Variants in NWD2 observed in about 807,000 individuals in gnomAD.
NWD2 encodes NACHT and WD repeat domain containing 2, also known as NACHT and WD repeat domain-containing protein 2.
Under a neutral mutation model 132.7 loss-of-function variants are expected in NWD2, and 37 were observed. That is an observed-to-expected ratio of 0.28 (90% confidence interval 0.21 to 0.37). The LOEUF is 0.37. Ranked by LOEUF, NWD2 falls within the 10% of genes least tolerant of loss-of-function variation. The probability of loss-of-function intolerance (pLI) is 1.00; values close to 1 mark genes in which losing one functional copy is unlikely to be tolerated. For missense variants in NWD2, 1,592 were observed against 2,122.4 expected (o/e 0.75, Z 4.91); for synonymous variants, 705 against 803.0 (o/e 0.88, Z 2.06).
At chr4:37,251,882 T>C (rs1717371616) in intron 1 of NWD2, among the ~76,000 whole-genome samples, 1 of 152,222 alleles carries the variant, frequency 6.6e-6, no homozygotes, top group Non-Finnish European at 1.5e-5. Context: ...AACTACTCTA[T>C]ATGGAGTGCT....
intron 1 of NWD2, among the ~76,000 whole-genome samples, chr4:37,290,662 A>G (rs1409296814): frequency 2.0e-4 from 30 of 152,336 alleles, no homozygotes; most frequent in East Asian, 1.9e-4. Flanking sequence ...GAAAGATGGC[A>G]TGTTGGAAAA....
rs538052965 is a variant in NWD2, at chr4:37,429,748, C to A, written c.358-824C>A. Among the ~76,000 whole-genome samples, 68 of 152,330 alleles carry A rather than the reference C, an allele frequency of 4.5e-4. 1 individual carries two copies. Among genetic ancestry groups the A allele is most frequent in the African/African-American group, 1.6e-3 (66 of 41,578 alleles). On this transcript the variant is annotated intron_variant, in intron 3 of 6. Coordinates refer to ENST00000309447, the MANE Select transcript of NWD2 (RefSeq NM_001144990.2). ...CTTTGAATGAACATTTAGGTTATTA[C>A]ACAATTCTTTCAAAGAAACTAATTC...
intron 1 of NWD2, among the ~76,000 whole-genome samples, chr4:37,287,638 A>G (rs1372847513): frequency 1.3e-5 from 2 of 151,978 alleles, no homozygotes; most frequent in African/African-American, 4.8e-5. Context: ...CAGAAACCAA[A>G]TCTCCCTGGG....
intron 1 of NWD2, among the ~76,000 whole-genome samples, chr4:37,247,296 T>C (rs1717263345): frequency 6.6e-6 from 1 of 152,242 alleles, no homozygotes; most frequent in Non-Finnish European, 1.5e-5. Context: ...GACCGTGGGA[T>C]CTTTATGGAT....
chr4:37,294,153 T>C (rs1718426528), intron 1 of NWD2, among the ~76,000 whole-genome samples: 1 of 152,096 alleles, frequency 6.6e-6, no homozygotes, highest in Admixed American at 6.5e-5. Flanking sequence ...ATAAGACAAA[T>C]GTGAGAGCTT....
At chr4:37,292,274 A>G (rs1412972908) in intron 1 of NWD2, among the ~76,000 whole-genome samples, 2 of 151,576 alleles carry the variant, frequency 1.3e-5, no homozygotes, top group East Asian at 3.9e-4. Context: ...TGATAGTATT[A>G]AGAAGTGAGG....
chr4:37,422,284 T>G (rs1418175148), intron 3 of NWD2, among the ~76,000 whole-genome samples: 2 of 152,226 alleles, frequency 1.3e-5, no homozygotes, highest in Non-Finnish European at 2.9e-5. Flanking sequence ...CCGCCTGCCC[T>G]TAAAGTACTG....
At chr4:37,342,855 T>C (rs989473341) in intron 2 of NWD2, among the ~76,000 whole-genome samples, 3 of 152,164 alleles carry the variant, frequency 2.0e-5, no homozygotes, top group African/African-American at 7.2e-5. Context: ...TTGGTCTCCT[T>C]CTTTCTAGTG....
In NWD2 at chr4:37,308,185, C is replaced by T. The variant is rs984136631; in HGVS notation, c.152-17751C>T. On this transcript the variant is annotated intron_variant, in intron 1 of 6. Transcript: ENST00000309447. ...TTTCCTTGCTTTTTCATGTTTTTTA[C>T]ATCCCTATGTTAATATCTGCACATC... is the stretch of plus-strand genomic sequence containing the variant. 2.6e-5 allele frequency among the ~76,000 whole-genome samples: 4 copies of T among 152,176 alleles called. No homozygotes were observed. The East Asian group carries it at 7.7e-4, about 29-fold the overall frequency.
chr4:37,298,054 G>A (rs1463059467), intron 1 of NWD2, among the ~76,000 whole-genome samples: 2 of 152,232 alleles, frequency 1.3e-5, no homozygotes, highest in Non-Finnish European at 1.5e-5. Flanking sequence ...CAGAAAGGAG[G>A]TACTTATTGT....
chr4:37,274,776 C>T (rs960965384), intron 1 of NWD2, among the ~76,000 whole-genome samples: 2 of 152,022 alleles, frequency 1.3e-5, no homozygotes, highest in African/African-American at 4.8e-5. Context: ...GCTGGTTCAA[C>T]ATACGCAAAT....
rs372598755 is a variant in NWD2 at position 37,301,378 on chromosome 4, GA to G, written c.152-24555del. On this transcript the variant is annotated intron_variant, in intron 1 of 6. Coordinates refer to ENST00000309447, the MANE Select transcript of NWD2 (RefSeq NM_001144990.2). ...GACTGGAATCTTTCAACAAATCTGG[GA>G]AATATTTAGCCATCATTTCTTCAAA... 5.1e-4 allele frequency among the ~76,000 whole-genome samples: 77 copies of G among 152,054 alleles called. 1 individual carries two copies. The South Asian group carries it at 0.015, about 30-fold the overall frequency.
intron 1 of NWD2, among the ~76,000 whole-genome samples, chr4:37,264,293 T>C (rs1020604458): frequency 7.2e-5 from 11 of 152,212 alleles, no homozygotes; most frequent in Admixed American, 4.6e-4. Flanking sequence ...TCCCTAACAT[T>C]TCAGAAGAGC....
chr4:37,389,224 A>ATTCCTTGGCCCCAG (rs1360715381), intron 3 of NWD2, among the ~76,000 whole-genome samples: 4 of 152,200 alleles, frequency 2.6e-5, no homozygotes, highest in Non-Finnish European at 5.9e-5. Context: ...GCCTCTCGTC[A>ATTCCTTGGCCCCAG]GAGCCCCTGC....
chr4:37,433,980 T>C lies in NWD2; in HGVS notation c.666T>C (p.Gly222=), dbSNP rs544986747. 1.9e-6 allele frequency: 3 copies of C among 1,550,576 alleles called. No individual in the cohort carries two copies. The East Asian group carries it at 7.3e-5, about 38-fold the overall frequency. ...CTGTAAAGCTGTTACACGAAAAGGG[T>C]AAAATGAAACACAGCCAGGCTAAGA... ...KAAVKLLHEK[G]KMKHSQAKRY... Residue 222 remains glycine, a synonymous_variant, in exon 5 of 7, where the codon GGT becomes GGC. Coordinates refer to ENST00000309447, the MANE Select transcript of NWD2 (RefSeq NM_001144990.2).
chr4:37,280,684 G>A (rs1483186559), intron 1 of NWD2, among the ~76,000 whole-genome samples: 1 of 152,106 alleles, frequency 6.6e-6, no homozygotes, highest in Non-Finnish European at 1.5e-5. Flanking sequence ...TAAGAAAGGG[G>A]ACTGTCAGCA....
chr4:37,382,568 C>G (rs1560409024), intron 3 of NWD2, among the ~76,000 whole-genome samples: 1 of 152,184 alleles, frequency 6.6e-6, no homozygotes, highest in East Asian at 1.9e-4. Flanking sequence ...TCTCTCTCCC[C>G]TTTTCCCCTG....
chr4:37,446,558 T>C lies in NWD2; in HGVS notation c.4570T>C (p.Leu1524=), dbSNP rs1712641562. The C allele has an allele frequency of 6.4e-7, 1 of 1,551,764 alleles. No homozygotes were observed. The highest frequency in any genetic ancestry group is 8.7e-7 in the Non-Finnish European group (1 of 1,147,016). ...CRRVQLPNNF[L]KNLEDFEISP... Reference sequence around the variant, plus strand: ...GCGCGTGCAACTTCCAAACAACTTCTTGAAAAATCTGGAGGACTTTGAAAT... The same window carrying C: ...GCGCGTGCAACTTCCAAACAACTTCCTGAAAAATCTGGAGGACTTTGAAAT... The change falls in exon 7 of 7, where the codon TTG becomes CTG. Residue 1524 remains leucine (L), a synonymous_variant. Transcript: ENST00000309447. The surrounding 1 kb of genome is among the most constrained non-coding windows in gnomAD (Gnocchi z 6.7).
intron 1 of NWD2, among the ~76,000 whole-genome samples, chr4:37,281,941 A>AT (rs1447166198): frequency 6.6e-6 from 1 of 152,240 alleles, no homozygotes; most frequent in Non-Finnish European, 1.5e-5. Flanking sequence ...ACATAGCTTC[A>AT]TAAAGCCTTC....
Sources: allele counts gnomAD v4.1 joint callset (sites outside exome capture counted in the v4.1 genomes callset), GRCh38; gene constraint gnomAD v4.1.1; non-coding constraint Gnocchi (gnomAD v3.1); transcripts MANE v1.5; gene names NCBI Gene and HGNC (gene_info 2026-07-23, HGNC 2026-07-21).